SHOC2: variants seen among roughly 807,000 people sequenced by gnomAD.
The protein encoded by SHOC2 is SHOC2 leucine rich repeat scaffold protein.
In SHOC2, 4 loss-of-function variants were observed where a neutral mutation model predicts 50.2. The ratio of observed to expected loss-of-function variants is 0.08; its 90% CI spans 0.04 to 0.18. The LOEUF is 0.18. SHOC2 is among the 10% of genes least tolerant of loss of function. SHOC2 has a pLI of 1.00. For missense variants in SHOC2, 388 were observed against 669.6 expected, an observed-to-expected ratio of 0.58 and a Z score of 4.64; for synonymous variants, 218 against 244.5, an observed-to-expected ratio of 0.89 and a Z score of 1.01.
At position 110,981,843 on chromosome 10, in the gene SHOC2, C is replaced by CT. The variant is rs775107561; in HGVS notation, c.704-3783dup. On this transcript the variant is annotated intron_variant, in intron 2 of 8. Coordinates refer to ENST00000369452, the MANE Select transcript of SHOC2 (RefSeq NM_007373.4). ...CTTTTATATTGTTGAATTCAGTTTTCTTATTTATTTATTTATTTATTTATT... is the reference window on the plus strand; with the variant it reads ...CTTTTATATTGTTGAATTCAGTTTTCTTTATTTATTTATTTATTTATTTATT... 2.5e-4 allele frequency among the ~76,000 whole-genome samples: 31 copies of CT among 125,882 alleles called. No homozygotes were observed. The South Asian group carries it at 3.8e-3, about 15-fold the overall frequency. 82.6% of individuals were successfully genotyped at this position (125,882 alleles called of 152,430 possible).
chr10:110,937,876 G>A (rs1847060142), intron 1 of SHOC2, among the ~76,000 whole-genome samples: 1 of 152,198 alleles, frequency 6.6e-6, no homozygotes, highest in African/African-American at 2.4e-5. Context: ...AATTAAGCAT[G>A]AGACTAGAGA....
chr10:110,922,364 G>A (rs936125352), intron 1 of SHOC2, among the ~76,000 whole-genome samples: 3 of 151,896 alleles, frequency 2.0e-5, no homozygotes, highest in African/African-American at 7.3e-5. Flanking sequence ...TTATACAGGT[G>A]GATAAATTAT....
At chr10:110,971,494 A>G (rs1169194912) in intron 2 of SHOC2, among the ~76,000 whole-genome samples, 1 of 151,954 alleles carries the variant, frequency 6.6e-6, no homozygotes, top group African/African-American at 2.4e-5. Flanking sequence ...TGATGCCTCC[A>G]ATTTTGTCCT....
At chr10:111,003,684 A>C (rs1305322886) in intron 4 of SHOC2, among the ~76,000 whole-genome samples, 1 of 152,176 alleles carries the variant, frequency 6.6e-6, no homozygotes, top group African/African-American at 2.4e-5. Context: ...GAGCATGCAG[A>C]TCACCTGGGA....
intron 1 of SHOC2, among the ~76,000 whole-genome samples, chr10:110,929,173 A>G (rs1453820829): frequency 2.0e-5 from 3 of 152,316 alleles, no homozygotes; most frequent in East Asian, 1.9e-4. Context: ...TTGATAATCT[A>G]TAAATAGTAG....
At chr10:110,952,759 G>A (rs575583953) in intron 1 of SHOC2, among the ~76,000 whole-genome samples, 3 of 152,128 alleles carry the variant, frequency 2.0e-5, no homozygotes, top group South Asian at 2.1e-4. Flanking sequence ...GTTCCCCTCC[G>A]TGTCCATGGG....
At chr10:110,966,447 G>T (rs1847676605) in intron 2 of SHOC2, among the ~76,000 whole-genome samples, 1 of 151,998 alleles carries the variant, frequency 6.6e-6, no homozygotes, top group Admixed American at 6.6e-5. Flanking sequence ...AGAATTATAG[G>T]CAATTGGAGA....
At position 110,973,243 on chromosome 10, in the gene SHOC2, T is replaced by C. The variant is rs1435169527; in HGVS notation, c.703+8182T>C. Among the ~76,000 whole-genome samples the C allele has an allele frequency of 2.6e-5, 4 of 152,190 alleles. No individual in the cohort carries two copies. The East Asian group carries it at 7.7e-4, about 29-fold the overall frequency. On this transcript the variant is annotated intron_variant, in intron 2 of 8. Coordinates refer to ENST00000369452, the MANE Select transcript of SHOC2 (RefSeq NM_007373.4). ...GATTTTTATAGAGCTGAACTCTGAA[T>C]ATTTGAAAAATATCCCTATAAAGAA...
At chr10:111,004,399 A>T (rs1441802053) in intron 4 of SHOC2, among the ~76,000 whole-genome samples, 1 of 152,232 alleles carries the variant, frequency 6.6e-6, no homozygotes, top group African/African-American at 2.4e-5. Context: ...GGAAGTCTAC[A>T]TTGGTTCCAC....
At chr10:111,007,423 G>A in intron 5 of SHOC2, 108 bp from the exon 6 acceptor site, 1 of 1,248,408 alleles carries the variant, frequency 8.0e-7, no homozygotes, top group South Asian at 1.3e-5. Flanking sequence ...ATATCAAAAA[G>A]GGGAATAAGA....
intron 8 of SHOC2, among the ~76,000 whole-genome samples, chr10:111,010,985 C>G (rs1848556174): frequency 6.6e-6 from 1 of 152,092 alleles, no homozygotes; most frequent in Non-Finnish European, 1.5e-5. Context: ...ACCTATATTT[C>G]TAGTATATTT....
chr10:110,922,309 C>T (rs113233340), intron 1 of SHOC2, among the ~76,000 whole-genome samples: 223 of 152,122 alleles, frequency 1.5e-3, no homozygotes, highest in African/African-American at 5.0e-3. Context: ...TTTGGCTTAC[C>T]TGTATGAATT....
chr10:110,941,975 G>T (rs760494797), intron 1 of SHOC2, among the ~76,000 whole-genome samples: 8 of 152,066 alleles, frequency 5.3e-5, no homozygotes, highest in East Asian at 1.9e-4. Context: ...TTAGATTAAG[G>T]TAATTTTTTG....
intron 1 of SHOC2, among the ~76,000 whole-genome samples, chr10:110,951,097 A>G (rs1326682872): frequency 6.6e-6 from 1 of 152,212 alleles, no homozygotes; most frequent in Non-Finnish European, 1.5e-5. Context: ...AGAGTGAACA[A>G]TAATTGACAG....
At chr10:110,990,770 CAAAA>C (rs1211883999) in intron 3 of SHOC2, among the ~76,000 whole-genome samples, 3 of 149,774 alleles carry the variant, frequency 2.0e-5, no homozygotes, top group African/African-American at 7.4e-5. Flanking sequence ...AAACAAAAAA[CAAAA>C]AAAAACACAA....
intron 4 of SHOC2, among the ~76,000 whole-genome samples, chr10:111,003,627 G>A (rs11195400): frequency 0.53 from 80,809 of 151,980 alleles, 24,976 homozygotes; most frequent in Non-Finnish European, 0.69. Context: ...GATAGAGTCA[G>A]GATTCAAAAC....
intron 2 of SHOC2, among the ~76,000 whole-genome samples, chr10:110,985,108 A>G (rs1848053818): frequency 6.6e-6 from 1 of 152,232 alleles, no homozygotes. Flanking sequence ...ATTCACAATT[A>G]TCAAAGTTGT....
At chr10:111,004,954 A>G (rs1468445507) in intron 5 of SHOC2, among the ~76,000 whole-genome samples, 160 bp downstream of exon 5, 3 of 152,156 alleles carry the variant, frequency 2.0e-5, no homozygotes, top group African/African-American at 7.2e-5. Context: ...TCAGATAACA[A>G]ATATCTTAGA....
At chr10:110,931,542 T>C (rs1564702215) in intron 1 of SHOC2, among the ~76,000 whole-genome samples, 1 of 152,140 alleles carries the variant, frequency 6.6e-6, no homozygotes, top group Non-Finnish European at 1.5e-5. Context: ...TAATAAATAA[T>C]GGGAAATACA....
Sources: allele counts gnomAD v4.1 joint callset (sites outside exome capture counted in the v4.1 genomes callset), GRCh38; gene constraint gnomAD v4.1.1; transcripts MANE v1.5; gene names NCBI Gene and HGNC (gene_info 2026-07-23, HGNC 2026-07-21).